Variants in PHF24 observed in about 807,000 individuals in gnomAD.
The protein encoded by PHF24 is PHD finger protein 24.
A neutral mutation model predicts 42.6 loss-of-function variants in PHF24; 25 were observed. The observed-to-expected ratio is 0.59, with a 90% confidence interval of 0.43 to 0.82. The LOEUF is 0.82. Ranked by LOEUF, PHF24 falls within the 40% of genes least tolerant of loss-of-function variation. PHF24 has a pLI of 0.00. For synonymous variants in PHF24, 185 were observed against 204.8 expected (o/e 0.90, Z 0.83); for missense variants, 470 against 538.1 (o/e 0.87, Z 1.25).
chr9:34,750,371 T>A, the PHF24 span, among the ~76,000 whole-genome samples: 1 of 152,002 alleles, frequency 6.6e-6, no homozygotes, highest in African/African-American at 2.4e-5. Context: ...ATGCCTGTAG[T>A]CCCAGCTACT....
chr9:34,848,242 G>A, the PHF24 span, among the ~76,000 whole-genome samples: 1 of 151,396 alleles, frequency 6.6e-6, no homozygotes, highest in Non-Finnish European at 1.5e-5. Flanking sequence ...GACTCTTTTG[G>A]GTTGGTAAGC....
chr9:34,768,352 GA>G, the PHF24 span, among the ~76,000 whole-genome samples: 1 of 152,148 alleles, frequency 6.6e-6, no homozygotes, highest in East Asian at 1.9e-4. Flanking sequence ...TTCTTTTCTG[GA>G]AAGTTACAGC....
At chr9:34,944,757 T>C in the PHF24 span, among the ~76,000 whole-genome samples, 8 of 152,210 alleles carry the variant, frequency 5.3e-5, no homozygotes, top group African/African-American at 1.9e-4. Flanking sequence ...ATGCCTGTAA[T>C]CCCAGCTGTT....
chr9:34,780,889 C>A, the PHF24 span, among the ~76,000 whole-genome samples: 2 of 152,104 alleles, frequency 1.3e-5, no homozygotes, highest in African/African-American at 4.8e-5. Context: ...TAGGGAGATG[C>A]AAATCAAAAC....
At chr9:34,878,388 A>G in the PHF24 span, among the ~76,000 whole-genome samples, 1 of 152,170 alleles carries the variant, frequency 6.6e-6, no homozygotes, top group South Asian at 2.1e-4. Flanking sequence ...GGTGCAGCCC[A>G]TGGAGTGTGA....
Position 34,963,864 on chromosome 9 carries a change from T to G in PHF24, c.-5+5463T>G, listed in dbSNP as rs118057551. Among the ~76,000 whole-genome samples the G allele has an allele frequency of 3.6e-3, 543 of 152,330 alleles. 3 individuals carry two copies. The Middle Eastern group carries it at 0.037, about 10-fold the overall frequency. The stretch of plus-strand genomic sequence containing the variant: ...ACTGCATAGTTTCTAGAATTGAGTT[T>G]TGGAGATTTGGTCTCATTAGTCTCT... On this transcript the variant is annotated intron_variant, in intron 1 of 7. Coordinates refer to ENST00000242315, the Ensembl canonical transcript of PHF24.
At chr9:34,889,006 T>G in the PHF24 span, 1 of 398,284 alleles carries the variant, frequency 2.5e-6, no homozygotes, top group Non-Finnish European at 4.4e-6. Flanking sequence ...TTTTAGGTCC[T>G]TTACTCTCTC....
the PHF24 span, among the ~76,000 whole-genome samples, chr9:34,884,951 G>T: frequency 6.6e-6 from 1 of 152,132 alleles, no homozygotes; most frequent in East Asian, 1.9e-4. Context: ...GAGCCTGTGG[G>T]GGACCAGGGG....
At chr9:34,752,148 C>T in the PHF24 span, among the ~76,000 whole-genome samples, 76 of 150,882 alleles carry the variant, frequency 5.0e-4, no homozygotes, top group African/African-American at 1.6e-3. Flanking sequence ...ACCATAAAAG[C>T]GAAACAAAAC....
the PHF24 span, among the ~76,000 whole-genome samples, chr9:34,843,492 T>G: frequency 4.6e-5 from 7 of 152,332 alleles, no homozygotes; most frequent in Admixed American, 3.9e-4. Flanking sequence ...TTGATTACTG[T>G]AGTTTTATAC....
the PHF24 span, chr9:34,708,902 A>G: frequency 0.11 from 17,544 of 165,426 alleles, 2,034 homozygotes; most frequent in African/African-American, 0.3. Context: ...GGGGTAGATG[A>G]GAACATAGCA....
At chr9:34,918,277 C>T in the PHF24 span, 2 of 1,399,804 alleles carry the variant, frequency 1.4e-6, no homozygotes, top group Non-Finnish European at 2.0e-6. Flanking sequence ...GGTGATGAGC[C>T]CTTCCAGTAC....
the PHF24 span, among the ~76,000 whole-genome samples, chr9:34,870,735 A>G: frequency 0.47 from 71,904 of 151,948 alleles, 17,983 homozygotes; most frequent in Non-Finnish European, 0.56. Flanking sequence ...TCACAATGGC[A>G]AAGACATGGA....
At chr9:34,665,883 C>T in the PHF24 span, 1 of 587,692 alleles carries the variant, frequency 1.7e-6, no homozygotes, top group Non-Finnish European at 3.0e-6. Context: ...ATCTCCGGGG[C>T]CTGGGGCATT....
At chr9:34,889,086 A>G in the PHF24 span, 4 of 398,494 alleles carry the variant, frequency 1.0e-5, no homozygotes, top group Admixed American at 1.8e-4. Context: ...GGTACAAAGT[A>G]TATTTGGAGA....
the PHF24 span, chr9:34,892,969 AG>A: frequency 2.9e-6 from 2 of 697,462 alleles, no homozygotes; most frequent in Non-Finnish European, 5.1e-6. Context: ...AAGACACACT[AG>A]ATGTGGACAA....
the PHF24 span, among the ~76,000 whole-genome samples, chr9:34,717,451 C>T: frequency 2.6e-5 from 4 of 152,130 alleles, no homozygotes; most frequent in African/African-American, 9.7e-5. Context: ...GTCTGAGAGT[C>T]AGGACCCTTC....
chr9:34,763,414 T>A, the PHF24 span, among the ~76,000 whole-genome samples: 1 of 152,220 alleles, frequency 6.6e-6, no homozygotes, highest in African/African-American at 2.4e-5. Flanking sequence ...GTCCTTCACA[T>A]CCCTTGTAAG....
At chr9:34,768,760 T>C in the PHF24 span, among the ~76,000 whole-genome samples, 1 of 152,076 alleles carries the variant, frequency 6.6e-6, no homozygotes, top group African/African-American at 2.4e-5. Context: ...GCAACACAAC[T>C]GGAAAACAGG....
Sources: allele counts gnomAD v4.1 joint callset (sites outside exome capture counted in the v4.1 genomes callset), GRCh38; gene constraint gnomAD v4.1.1; transcripts MANE v1.5; gene names NCBI Gene and HGNC (gene_info 2026-07-23, HGNC 2026-07-21).